LCORL: variants seen among roughly 807,000 people sequenced by gnomAD.
LCORL encodes ligand-dependent nuclear receptor corepressor-like protein.
Under a neutral mutation model 141.8 loss-of-function variants are expected in LCORL, and 41 were observed. That is an observed-to-expected ratio of 0.29 (90% CI 0.23 to 0.38). The LOEUF is 0.38. Ranked by LOEUF, LCORL falls within the 10% of genes least tolerant of loss-of-function variation. LCORL has a pLI of 1.00. For missense variants in LCORL, 1,759 were observed against 2,035.0 expected, an observed-to-expected ratio of 0.86 and a Z score of 2.61; for synonymous variants, 618 against 694.1, an observed-to-expected ratio of 0.89 and a Z score of 1.72.
Position 17,877,493 on chromosome 4 carries a change from T to C in LCORL, c.1497A>G (p.Lys499=), listed in dbSNP as rs553141925. ...GTAAAGAATAAGAGTTACTGGATTT[T>C]TTAGTTTTAAGTATTTTATCTTGAT... is the stretch of plus-strand genomic sequence containing the variant. The change falls in exon 7 of 8, where the codon AAA becomes AAG. Residue 499 remains lysine (K), a synonymous_variant. Coordinates refer to ENST00000635767, the Ensembl canonical transcript of LCORL. 1.1e-3 allele frequency: 1,368 copies of C among 1,229,934 alleles called. 2 individuals carry two copies. Among genetic ancestry groups the C allele is most frequent in the Non-Finnish European group, 1.3e-3 (1,306 of 986,310 alleles). 76.2% of individuals were successfully genotyped at this position (1,229,934 alleles called of 1,614,324 possible).
chr4:17,892,437 G>A (rs116445964), intron 5 of LCORL, among the ~76,000 whole-genome samples: 1,631 of 151,992 alleles, frequency 0.011, 24 homozygotes, highest in Middle Eastern at 0.034. Context: ...TCGAACTCCT[G>A]AGCACCAAAT....
chr4:17,903,498 A>T (rs1046081368), intron 5 of LCORL, among the ~76,000 whole-genome samples: 1 of 152,038 alleles, frequency 6.6e-6, no homozygotes, highest in Non-Finnish European at 1.5e-5. Context: ...ACTGATATTT[A>T]AAAAATATAT....
At chr4:17,851,905 C>T (rs1269607448) in intron 7 of LCORL, among the ~76,000 whole-genome samples, 2 of 152,128 alleles carry the variant, frequency 1.3e-5, no homozygotes, top group African/African-American at 4.8e-5. Context: ...ATTTGCATTT[C>T]TCTTATGAAT....
intron 4 of LCORL, among the ~76,000 whole-genome samples, chr4:17,926,153 G>A (rs1470519929): frequency 6.6e-6 from 1 of 152,172 alleles, no homozygotes. Context: ...ATGGGCTCAA[G>A]TTGACAAGGG....
At chr4:17,900,886 C>T (rs994254404) in intron 5 of LCORL, among the ~76,000 whole-genome samples, 2 of 152,024 alleles carry the variant, frequency 1.3e-5, no homozygotes, top group Admixed American at 1.3e-4. Context: ...AAAATGTCCA[C>T]AATTGATGAG....
intron 2 of LCORL, among the ~76,000 whole-genome samples, chr4:17,966,900 A>T (rs1209843303): frequency 1.3e-5 from 2 of 152,194 alleles, no homozygotes; most frequent in African/African-American, 4.8e-5. Context: ...AACTAAACAT[A>T]GTCTATCAAT....
chr4:17,989,037 T>C lies in LCORL; in HGVS notation c.155-16152A>G, dbSNP rs572663805. ...AAAAAAACTTTCTTTTTGGTTTCCA[T>C]GGATGTGGCCAATTTATATCCAAAA... On this transcript the variant is annotated intron_variant, in intron 1 of 7. Coordinates refer to ENST00000635767, the Ensembl canonical transcript of LCORL. 2.0e-5 allele frequency among the ~76,000 whole-genome samples: 3 copies of C among 152,324 alleles called. No homozygotes were observed. The East Asian group carries it at 5.8e-4, about 29-fold the overall frequency.
intron 6 of LCORL, chr4:17,882,138 C>T (rs776611717): frequency 5.1e-5 from 50 of 983,640 alleles, no homozygotes; most frequent in Non-Finnish European, 6.0e-5. Flanking sequence ...AATTTAATAG[C>T]TGAAAATCTC....
chr4:17,890,567 T>A (rs543843853), intron 5 of LCORL, among the ~76,000 whole-genome samples: 1 of 152,178 alleles, frequency 6.6e-6, no homozygotes, highest in South Asian at 2.1e-4. Flanking sequence ...ATATTCAAAA[T>A]TTTTACTAAC....
At chr4:17,886,096 C>T in exon 6 of LCORL, 1 of 1,594,452 alleles carries the variant, frequency 6.3e-7, no homozygotes, top group Admixed American at 1.7e-5. Flanking sequence ...GAAGAAGGAT[C>T]ACATATGGAT....
chr4:17,992,592 TGA>T (rs1720213925), intron 1 of LCORL, among the ~76,000 whole-genome samples: 2 of 152,244 alleles, frequency 1.3e-5, no homozygotes, highest in African/African-American at 2.4e-5. Context: ...AACAGATTCT[TGA>T]GTTGCTAGAT....
chr4:17,971,635 C>T (rs1240121878), intron 2 of LCORL, among the ~76,000 whole-genome samples: 1 of 151,324 alleles, frequency 6.6e-6, no homozygotes, highest in Non-Finnish European at 1.5e-5. Flanking sequence ...AATGGCTGTA[C>T]TAGTAATACT....
At chr4:18,005,494 G>A (rs1438261006) in intron 1 of LCORL, among the ~76,000 whole-genome samples, 1 of 152,192 alleles carries the variant, frequency 6.6e-6, no homozygotes, top group African/African-American at 2.4e-5. Flanking sequence ...CAGGGACTCT[G>A]GGCTCCAACC....
intron 4 of LCORL, among the ~76,000 whole-genome samples, chr4:17,934,513 C>A (rs1289150615): frequency 6.6e-6 from 1 of 152,160 alleles, no homozygotes; most frequent in African/African-American, 2.4e-5. Context: ...TCACTAGATG[C>A]ACTGTATAAT....
At chr4:17,863,883 C>T (rs775819071) in intron 7 of LCORL, among the ~76,000 whole-genome samples, 19 of 152,142 alleles carry the variant, frequency 1.2e-4, no homozygotes, top group Admixed American at 3.3e-4. Flanking sequence ...CCTAAGCAAA[C>T]TAATGCAGGA....
chr4:17,940,844 G>A (rs912984622), intron 4 of LCORL, among the ~76,000 whole-genome samples: 4 of 152,038 alleles, frequency 2.6e-5, no homozygotes, highest in Admixed American at 6.6e-5. Flanking sequence ...CTCTGAGCTA[G>A]AAAGTAAAAT....
At chr4:17,882,259 T>C (rs912443489) in intron 6 of LCORL, 3 of 984,488 alleles carry the variant, frequency 3.0e-6, no homozygotes, top group East Asian at 1.1e-4. Context: ...AGTATTCCTT[T>C]TGGACTTAGG....
In LCORL at chr4:18,020,044, A is replaced by G. The variant is rs1300327155; in HGVS notation, c.154+1554T>C. Among the ~76,000 whole-genome samples the G allele has an allele frequency of 2.6e-5, 4 of 152,224 alleles. No individual in the cohort carries two copies. The East Asian group carries it at 7.7e-4, about 29-fold the overall frequency. On this transcript the variant is annotated intron_variant, in intron 1 of 7. Coordinates refer to ENST00000635767, the Ensembl canonical transcript of LCORL. ...TCATCTTTCCTTAGAGAAGACCAAA[A>G]TACATTTTTCGTAAGGGCAAAACAA...
intron 1 of LCORL, among the ~76,000 whole-genome samples, chr4:18,003,836 C>G (rs540424488): frequency 1.4e-3 from 217 of 152,246 alleles, no homozygotes; most frequent in African/African-American, 5.0e-3. Context: ...TTAAATTATT[C>G]AACATATCAC....
Sources: allele counts gnomAD v4.1 joint callset (sites outside exome capture counted in the v4.1 genomes callset), GRCh38; gene constraint gnomAD v4.1.1; transcripts MANE v1.5; gene names NCBI Gene and HGNC (gene_info 2026-07-23, HGNC 2026-07-21).